Variants in NGLY1 observed in about 807,000 individuals in gnomAD.
NGLY1 encodes N-glycanase 1, also known as peptide-N(4)-(N-acetyl-beta-glucosaminyl)asparagine amidase.
A neutral mutation model predicts 84.6 loss-of-function variants in NGLY1; 68 were observed. That is an observed-to-expected ratio of 0.80 (90% confidence interval 0.66 to 0.98). NGLY1 has a LOEUF of 0.98. Ranked by LOEUF, NGLY1 falls within the 50% of genes least tolerant of loss-of-function variation. NGLY1 has a pLI of 0.00. For missense variants in NGLY1, 779 were observed against 770.2 expected (o/e 1.01, Z -0.14); for synonymous variants, 280 against 275.2 (o/e 1.02, Z -0.17).
chr3:25,780,472 A>T (rs1708360712), intron 1 of NGLY1, among the ~76,000 whole-genome samples: 1 of 152,192 alleles, frequency 6.6e-6, no homozygotes, highest in Non-Finnish European at 1.5e-5. Flanking sequence ...CTACTGGTTC[A>T]AAACTGCTTG....
intron 4 of NGLY1, chr3:25,749,943 C>T: frequency 2.6e-6 from 1 of 389,920 alleles, no homozygotes; most frequent in Non-Finnish European, 4.2e-6. Flanking sequence ...GTAAAAACTG[C>T]CAAAAAAAAA....
Position 25,727,234 on chromosome 3 carries a change from A to G in NGLY1, c.1611+1899T>C, listed in dbSNP as rs1371376617. Among the ~76,000 whole-genome samples the G allele has an allele frequency of 2.0e-5, 3 of 152,242 alleles. 1 individual carries two copies. The highest frequency in any genetic ancestry group is 4.4e-5 in the Non-Finnish European group (3 of 68,040). ...TTTGATACTAAATACATGTAGCTAG[A>G]AAGAAATTCACTCAACTTAAAAAAA... On this transcript the variant is annotated intron_variant, in intron 10 of 11. Coordinates refer to ENST00000280700, the MANE Select transcript of NGLY1 (RefSeq NM_018297.4).
chr3:25,757,842 G>C (rs1026761936), intron 3 of NGLY1, among the ~76,000 whole-genome samples: 1 of 152,132 alleles, frequency 6.6e-6, no homozygotes, highest in Admixed American at 6.5e-5. Flanking sequence ...AATTAACAGT[G>C]CCTCCCTCAC....
chr3:25,765,038 T>C (rs1227524158), intron 2 of NGLY1, among the ~76,000 whole-genome samples: 1 of 152,186 alleles, frequency 6.6e-6, no homozygotes, highest in Non-Finnish European at 1.5e-5. Context: ...ACAAATTCTA[T>C]AATGTAAAAC....
intron 2 of NGLY1, among the ~76,000 whole-genome samples, chr3:25,774,141 T>A (rs1708035506): frequency 6.6e-6 from 1 of 152,198 alleles, no homozygotes; most frequent in Non-Finnish European, 1.5e-5. Context: ...AGACCTCTGG[T>A]TAGCCAGGAT....
chr3:25,729,313 T>C lies in NGLY1; in HGVS notation c.1431A>G (p.Lys477=). The C allele has an allele frequency of 7.2e-7, 1 of 1,382,456 alleles. No individual in the cohort carries two copies. Among genetic ancestry groups the C allele is most frequent in the Non-Finnish European group, 9.5e-7 (1 of 1,054,834 alleles). The allele number at this position is 1,382,456 out of a possible 1,614,324, so 85.6% of individuals were successfully genotyped here. Residue 477 remains lysine (K), a synonymous_variant, in exon 10 of 12, where the codon AAA becomes AAG. Coordinates refer to ENST00000280700, the MANE Select transcript of NGLY1 (RefSeq NM_018297.4). ...VARGEMGLQR[K]ETLFIPCENE... ...TTTCACAGGGAATAAACAAGGTTTCTTTTCTCTTAAAAAGAAAGCAGAATT... is the reference window on the plus strand; with the variant it reads ...TTTCACAGGGAATAAACAAGGTTTCCTTTCTCTTAAAAAGAAAGCAGAATT...
At chr3:25,785,363 A>G (rs998595203), upstream of NGLY1, among the ~76,000 whole-genome samples, 1 of 152,096 alleles carries the variant, frequency 6.6e-6, no homozygotes, top group African/African-American at 2.4e-5. Context: ...CAACTACACA[A>G]TGGATTGGGG....
chr3:25,719,630 T>C lies in NGLY1; in HGVS notation c.1795A>G (p.Ser599Gly), dbSNP rs200463539. Residue 599 changes from serine to glycine, a missense_variant, in exon 12 of 12, where the codon AGT becomes GGT. Coordinates refer to ENST00000280700, the MANE Select transcript of NGLY1 (RefSeq NM_018297.4). The part of the protein sequence containing the change: ...TAQVELTGDN[S>G]LHSYADFSGA... ...GAAAAATCAGCATAGGAGTGAAGAC[T>C]GTTATCTGTTAGAGGGAAAAAAAAA... The C allele has an allele frequency of 1.8e-4, 285 of 1,611,340 alleles. 1 individual carries two copies. Among genetic ancestry groups the C allele is most frequent in the Non-Finnish European group, 2.2e-4 (264 of 1,178,620 alleles).
intron 8 of NGLY1, 30 bp downstream of exon 8, chr3:25,733,842 G>C (rs1705678800): frequency 2.7e-6 from 4 of 1,504,786 alleles, no homozygotes; most frequent in Middle Eastern, 1.7e-4. Context: ...AATGTCAACT[G>C]TTCTTTCAAA....
At chr3:25,736,730 CTTTAAG>C (rs1705843526) in intron 6 of NGLY1, 1 of 190,956 alleles carries the variant, frequency 5.2e-6, no homozygotes, top group Admixed American at 5.7e-5. Context: ...GTATACTGTG[CTTTAAG>C]TTTATAGTTT....
chr3:25,733,322 T>C lies in NGLY1; in HGVS notation c.1260+550A>G, dbSNP rs149371387. Among the ~76,000 whole-genome samples the C allele has an allele frequency of 3.8e-3, 574 of 152,242 alleles. 2 individuals are homozygous for C. The highest frequency in any genetic ancestry group is 0.013 in the African/African-American group (548 of 41,534). On this transcript the variant is annotated intron_variant, in intron 8 of 11. Coordinates refer to ENST00000280700, the MANE Select transcript of NGLY1 (RefSeq NM_018297.4). ...TTTTAATTTATGAAAAAAACCCACA[T>C]GTATAGAGTTAAAAATTTCAATACT...
chr3:25,785,681 CA>C (rs1559565197), upstream of NGLY1, among the ~76,000 whole-genome samples: 1 of 146,692 alleles, frequency 6.8e-6, no homozygotes, highest in African/African-American at 2.5e-5. Context: ...AAAAAAAAAA[CA>C]AAAACAAAAA....
intron 6 of NGLY1, chr3:25,737,009 C>T (rs907990986): frequency 5.0e-6 from 1 of 198,754 alleles, no homozygotes; most frequent in Non-Finnish European, 1.0e-5. Flanking sequence ...CCCAATAATA[C>T]TGATTTGCTC....
chr3:25,734,935 C>T (rs796314356), intron 7 of NGLY1: 1 of 699,368 alleles, frequency 1.4e-6, no homozygotes, highest in Admixed American at 6.3e-5. Context: ...ATTTATATTA[C>T]AGAACTGATT....
intron 10 of NGLY1, among the ~76,000 whole-genome samples, chr3:25,725,424 T>C (rs1302623764): frequency 6.6e-6 from 1 of 152,206 alleles, no homozygotes; most frequent in Non-Finnish European, 1.5e-5. Flanking sequence ...CGTGTTTCCC[T>C]GAGTTCTATG....
At chr3:25,729,037 A>G (rs1415327425) in intron 10 of NGLY1, 96 bp downstream of exon 10, 3 of 793,524 alleles carry the variant, frequency 3.8e-6, no homozygotes, top group Admixed American at 3.2e-5. Flanking sequence ...AGTTTGATAT[A>G]TCAGTTTTCA....
intron 5 of NGLY1, among the ~76,000 whole-genome samples, chr3:25,738,063 C>T (rs887958316): frequency 8.5e-5 from 13 of 152,092 alleles, no homozygotes; most frequent in Admixed American, 8.5e-4. Flanking sequence ...CAGAAAGTGG[C>T]TGGTGAGGAG....
At chr3:25,782,141 T>C (rs972480450) in intron 1 of NGLY1, among the ~76,000 whole-genome samples, 1 of 152,124 alleles carries the variant, frequency 6.6e-6, no homozygotes, top group African/African-American at 2.4e-5. Context: ...GCTCAATATA[T>C]TTTCCCTTCA....
intron 3 of NGLY1, among the ~76,000 whole-genome samples, chr3:25,751,869 T>C (rs1445293928): frequency 6.6e-6 from 1 of 152,084 alleles, no homozygotes; most frequent in Admixed American, 6.5e-5. Context: ...TGTCACCTCA[T>C]CAACAAAGAG....
Sources: allele counts gnomAD v4.1 joint callset (sites outside exome capture counted in the v4.1 genomes callset), GRCh38; gene constraint gnomAD v4.1.1; transcripts MANE v1.5; gene names NCBI Gene and HGNC (gene_info 2026-07-23, HGNC 2026-07-21).